VPS13B: variants seen among roughly 807,000 people sequenced by gnomAD.
The protein encoded by VPS13B is vacuolar protein sorting 13 homolog B.
In VPS13B, 285 loss-of-function variants were observed where a neutral mutation model predicts 426.4. The ratio of observed to expected loss-of-function variants is 0.67; its 90% CI spans 0.61 to 0.74. The LOEUF is 0.74. Ranked by LOEUF, VPS13B falls within the 30% of genes least tolerant of loss-of-function variation. VPS13B has a pLI of 0.00. For synonymous variants in VPS13B, 1,676 were observed against 1,676.4 expected, an observed-to-expected ratio of 1.00 and a Z score of 0.01; for missense variants, 4,537 against 4,782.6, an observed-to-expected ratio of 0.95 and a Z score of 1.51.
chr8:99,573,710 G>A (rs1825611782), intron 31 of VPS13B, among the ~76,000 whole-genome samples: 1 of 152,166 alleles, frequency 6.6e-6, no homozygotes, highest in South Asian at 2.1e-4. Context: ...TAGCCTTGTA[G>A]TATAGTTTGA....
chr8:99,256,709 C>G (rs1398697324), intron 17 of VPS13B, among the ~76,000 whole-genome samples: 1 of 152,058 alleles, frequency 6.6e-6, no homozygotes, highest in African/African-American at 2.4e-5. Context: ...AATGTCTATT[C>G]AAGTCCTTTG....
Position 99,853,907 on chromosome 8 carries a change from A to G in VPS13B, c.10518A>G (p.Leu3506=), listed in dbSNP as rs759427770. The change falls in exon 56 of 62, where the codon TTA becomes TTG. Residue 3506 remains leucine (L), a synonymous_variant. Coordinates refer to ENST00000357162, the MANE Select transcript of VPS13B (RefSeq NM_152564.5). ...EFSFELKPAR[L]YVEDTFVYYI... ...GCTTTGAATTAAAACCTGCTCGGTT[A>G]TACGTGGAAGACACATTTGTATACT... The G allele has an allele frequency of 1.2e-6, 2 of 1,614,262 alleles. No individual in the cohort carries two copies. Among genetic ancestry groups the G allele is most frequent in the Non-Finnish European group, 1.7e-6 (2 of 1,180,052 alleles).
intron 35 of VPS13B, chr8:99,696,821 C>T (rs1053026905): frequency 1.9e-5 from 25 of 1,340,996 alleles, no homozygotes; most frequent in Middle Eastern, 2.5e-4. Flanking sequence ...CAACCTGTCA[C>T]GGCCGCAGCT....
At chr8:99,359,128 A>T (rs556925670) in intron 19 of VPS13B, among the ~76,000 whole-genome samples, 17 of 152,122 alleles carry the variant, frequency 1.1e-4, no homozygotes, top group South Asian at 4.1e-4. Flanking sequence ...TATTTGATGA[A>T]TTTTTTCTTG....
At chr8:99,208,591 C>G (rs1030533107) in intron 17 of VPS13B, among the ~76,000 whole-genome samples, 3 of 69,570 alleles carry the variant, frequency 4.3e-5, no homozygotes, top group African/African-American at 1.4e-4. Flanking sequence ...TTTGTTTGCT[C>G]TTTACCACAG....
intron 33 of VPS13B, among the ~76,000 whole-genome samples, chr8:99,593,856 A>G (rs1227440182): frequency 6.6e-6 from 1 of 152,120 alleles, no homozygotes; most frequent in African/African-American, 2.4e-5. Flanking sequence ...GAGCTGAATG[A>G]TGAGAACACA....
intron 39 of VPS13B, among the ~76,000 whole-genome samples, chr8:99,761,176 G>T (rs1054749292): frequency 2.2e-4 from 33 of 152,262 alleles, no homozygotes; most frequent in African/African-American, 7.2e-4. Flanking sequence ...GTAAAATAGG[G>T]CACATAAAGG....
intron 35 of VPS13B, among the ~76,000 whole-genome samples, chr8:99,664,909 G>C (rs1013542958): frequency 1.3e-5 from 2 of 152,158 alleles, no homozygotes; most frequent in Non-Finnish European, 2.9e-5. Flanking sequence ...TTCCACAATG[G>C]TTTAACTAGT....
intron 33 of VPS13B, among the ~76,000 whole-genome samples, chr8:99,593,366 C>T (rs1297444617): frequency 1.3e-5 from 2 of 152,134 alleles, no homozygotes; most frequent in African/African-American, 4.8e-5. Context: ...GAGATACCAT[C>T]TCACACCAGT....
chr8:99,759,952 TTTTTC>T (rs566209938), intron 39 of VPS13B, among the ~76,000 whole-genome samples: 17 of 152,034 alleles, frequency 1.1e-4, no homozygotes, highest in Non-Finnish European at 1.9e-4. Context: ...TCTTTTTTTC[TTTTTC>T]TTTTCTTTTC....
chr8:99,419,249 A>G (rs1242965004), intron 21 of VPS13B, among the ~76,000 whole-genome samples: 1 of 152,176 alleles, frequency 6.6e-6, no homozygotes, highest in African/African-American at 2.4e-5. Context: ...CATGTGAAGA[A>G]GGTCCTTGCT....
intron 43 of VPS13B, chr8:99,804,089 T>A (rs1298428561): frequency 6.6e-6 from 1 of 152,162 alleles, no homozygotes; most frequent in Non-Finnish European, 1.5e-5. Flanking sequence ...TTAATACTCA[T>A]TTTGGTTTGG....
chr8:99,209,232 T>TA (rs999138951), intron 17 of VPS13B, among the ~76,000 whole-genome samples: 13 of 149,592 alleles, frequency 8.7e-5, no homozygotes, highest in African/African-American at 2.7e-4. Context: ...TGAGCCAAGA[T>TA]AGTGCCACTG....
intron 31 of VPS13B, among the ~76,000 whole-genome samples, chr8:99,564,410 C>T (rs991468907): frequency 6.6e-6 from 1 of 152,168 alleles, no homozygotes; most frequent in Non-Finnish European, 1.5e-5. Context: ...TGGGAAACAT[C>T]CGGCAGCACA....
chr8:99,698,797 G>A (rs1296031697), intron 35 of VPS13B, among the ~76,000 whole-genome samples: 1 of 152,200 alleles, frequency 6.6e-6, no homozygotes, highest in African/African-American at 2.4e-5. Flanking sequence ...GTGATTTTAG[G>A]TGAAATAAGA....
intron 33 of VPS13B, among the ~76,000 whole-genome samples, chr8:99,607,419 A>AT (rs1827644460): frequency 6.6e-6 from 1 of 152,188 alleles, no homozygotes; most frequent in Non-Finnish European, 1.5e-5. Flanking sequence ...CACACGTAAG[A>AT]AATGTGGTAG....
At chr8:99,296,076 G>A (rs1026921605) in intron 19 of VPS13B, among the ~76,000 whole-genome samples, 5 of 152,216 alleles carry the variant, frequency 3.3e-5, no homozygotes, top group Non-Finnish European at 7.4e-5. Context: ...TCTATTGACT[G>A]CATATGGCTT....
intron 2 of VPS13B, among the ~76,000 whole-genome samples, chr8:99,022,538 T>C (rs1393558328): frequency 2.0e-5 from 3 of 152,188 alleles, no homozygotes; most frequent in Non-Finnish European, 4.4e-5. Context: ...TCTGTTTTTG[T>C]AAGTGTTTCA....
intron 39 of VPS13B, among the ~76,000 whole-genome samples, chr8:99,744,174 T>C (rs1809937537): frequency 6.6e-6 from 1 of 152,144 alleles, no homozygotes. Context: ...GAACAGACGC[T>C]TCTCGAAAGA....
Sources: allele counts gnomAD v4.1 joint callset (sites outside exome capture counted in the v4.1 genomes callset), GRCh38; gene constraint gnomAD v4.1.1; transcripts MANE v1.5; gene names NCBI Gene and HGNC (gene_info 2026-07-23, HGNC 2026-07-21).